The following FANCD2 variants were observed in gnomAD, a reference collection of about 807,000 sequenced individuals.
The protein encoded by FANCD2 is Fanconi anemia group D2 protein.
Under a neutral mutation model 192.3 loss-of-function variants are expected in FANCD2, and 131 were observed. The observed-to-expected ratio is 0.68, with a 90% CI of 0.59 to 0.79. FANCD2 has a LOEUF of 0.79. Ranked by LOEUF, FANCD2 falls within the 30% of genes least tolerant of loss-of-function variation. The pLI is 0.00. For missense variants in FANCD2, 1,508 were observed against 1,701.6 expected, an observed-to-expected ratio of 0.89 and a Z score of 2.00; for synonymous variants, 524 against 612.5, an observed-to-expected ratio of 0.86 and a Z score of 2.13.
intron 29 of FANCD2, among the ~76,000 whole-genome samples, chr3:10,077,382 C>A (rs932013844): frequency 1.3e-5 from 2 of 152,048 alleles, no homozygotes; most frequent in Admixed American, 1.3e-4. Context: ...GTGATGAAAC[C>A]CATTTCTACT....
rs2124991202 is a variant in FANCD2, at chr3:10,042,555, T to C, written c.784-4T>C. ...TATTAAGTTTCTGTGCTTTTAATTT[T>C]TAGGTTCGCCAGTTGGTGATGGATA... On this transcript the variant is annotated splice_region_variant and splice_polypyrimidine_tract_variant and intron_variant, in intron 10 of 43. Transcript: ENST00000675286. The C allele has an allele frequency of 6.2e-7, 1 of 1,611,818 alleles. No homozygotes were observed. Among genetic ancestry groups the C allele is most frequent in the Non-Finnish European group, 8.5e-7 (1 of 1,177,898 alleles).
chr3:10,078,696 G>A (rs1022174458), intron 30 of FANCD2, among the ~76,000 whole-genome samples: 9 of 149,364 alleles, frequency 6.0e-5, no homozygotes, highest in Non-Finnish European at 1.2e-4. Flanking sequence ...GGGCGTGGTG[G>A]CTCACGCCTG....
intron 18 of FANCD2, among the ~76,000 whole-genome samples, chr3:10,057,659 G>A (rs1258533127): frequency 1.3e-5 from 2 of 151,898 alleles, no homozygotes; most frequent in African/African-American, 2.4e-5. Context: ...TACTGCTCCC[G>A]GCCTCCATTA....
intron 18 of FANCD2, among the ~76,000 whole-genome samples, chr3:10,052,970 C>T (rs1156609488): frequency 1.6e-4 from 20 of 121,610 alleles, no homozygotes; most frequent in Admixed American, 3.7e-4. Context: ...GTCAGTGTGG[C>T]GATTCCTCAG....
Position 10,060,276 on chromosome 3 carries a change from T to C in FANCD2, c.1657-18T>C. 1 of 1,572,614 alleles carries C rather than the reference T, an allele frequency of 6.4e-7. No individual in the cohort carries two copies. The highest frequency in any genetic ancestry group is 8.7e-7 in the Non-Finnish European group (1 of 1,144,074). Reference sequence around the variant, plus strand: ...TGCCATTCCAGCATTTTCATCTTTCTTCATCATCTCATTGCAGGATGACAT... The same window carrying C: ...TGCCATTCCAGCATTTTCATCTTTCCTCATCATCTCATTGCAGGATGACAT... On this transcript the variant is annotated intron_variant, in intron 18 of 43. Coordinates refer to ENST00000675286, the MANE Select transcript of FANCD2 (RefSeq NM_001018115.3).
intron 7 of FANCD2, among the ~76,000 whole-genome samples, chr3:10,037,131 G>GT (rs370333100): frequency 4.0e-5 from 6 of 150,734 alleles, no homozygotes; most frequent in East Asian, 1.9e-4. Context: ...GGCCCTACCT[G>GT]TTTTTTTTTA....
rs535739628 is a variant in FANCD2, at chr3:10,078,377, T to C, written c.2976+180T>C. ...ATTTATTTATTTATTTATTTAGAGA[T>C]GGAGTCTCGCTCTGTCGCCCAGGCT... On this transcript the variant is annotated intron_variant, in intron 30 of 43. Transcript: ENST00000675286. 3.6e-3 allele frequency among the ~76,000 whole-genome samples: 550 copies of C among 151,962 alleles called. 4 individuals carry two copies. Among genetic ancestry groups the C allele is most frequent in the Middle Eastern group, 0.014 (4 of 294 alleles).
intron 9 of FANCD2, chr3:10,040,424 G>A: frequency 2.2e-6 from 1 of 451,876 alleles, no homozygotes; most frequent in Non-Finnish European, 4.4e-6. Flanking sequence ...TGGAGAAGTT[G>A]ACCATGATCC....
rs397948524 is a variant in FANCD2 at position 10,045,101 on chromosome 3, T to TTTTC, written c.1134+1237_1134+1238insTTTC. Among the ~76,000 whole-genome samples the TTTTC allele has an allele frequency of 1.2e-4, 18 of 149,176 alleles. 1 individual carries two copies. Among genetic ancestry groups the TTTTC allele is most frequent in the African/African-American group, 4.4e-4 (17 of 38,864 alleles). ...GCCTTTTTAACTGTTTTTTTTTTTT[T>TTTTC]CCTGGAAGCATAGACTCAGGTTGCC... On this transcript the variant is annotated intron_variant, in intron 14 of 43. Coordinates refer to ENST00000675286, the MANE Select transcript of FANCD2 (RefSeq NM_001018115.3).
At chr3:10,044,936 T>G (rs2086959394) in intron 14 of FANCD2, among the ~76,000 whole-genome samples, 1 of 152,198 alleles carries the variant, frequency 6.6e-6, no homozygotes, top group South Asian at 2.1e-4. Context: ...CATAAATATT[T>G]CAAGGTCTGC....
chr3:10,086,613 C>G (rs1005090807), intron 33 of FANCD2, among the ~76,000 whole-genome samples: 2 of 152,130 alleles, frequency 1.3e-5, no homozygotes, highest in African/African-American at 2.4e-5. Context: ...TCCCAAGACG[C>G]TGGGATTACA....
At chr3:10,094,061 G>A (rs983138293) in intron 39 of FANCD2, among the ~76,000 whole-genome samples, 4 of 152,226 alleles carry the variant, frequency 2.6e-5, no homozygotes, top group African/African-American at 4.8e-5. Context: ...TCCATCGACT[G>A]TATCTGTGGT....
rs1169373056 is a variant in FANCD2 at position 10,052,521 on chromosome 3, GA to G, written c.1656+25del. On this transcript the variant is annotated intron_variant, in intron 18 of 43. Coordinates refer to ENST00000675286, the MANE Select transcript of FANCD2 (RefSeq NM_001018115.3). ...AGGTAAGAGGCAATATGTTGGGAAAGATTTTTTTTTTTTTGAGACAGAGTCT... is the reference window on the plus strand; with the variant it reads ...AGGTAAGAGGCAATATGTTGGGAAAGTTTTTTTTTTTTTGAGACAGAGTCT... 2.0e-6 allele frequency: 3 copies of G among 1,474,382 alleles called. No homozygotes were observed. In the African/African-American group the frequency reaches 4.6e-5, roughly 22 times the overall value. 91.3% of individuals were successfully genotyped at this position (1,474,382 alleles called of 1,614,324 possible).
chr3:10,101,377 CTTTTTTTTTTTTTTTTT>C lies in FANCD2; in HGVS notation c.*124_*140del, dbSNP rs950337384. Reference sequence around the variant, plus strand: ...ACTGGTAGGATCCTTTTTTGTTCCTCTTTTTTTTTTTTTTTTTTTTTTTTTAAAGACGGGGACTCGCT... The same window carrying C: ...ACTGGTAGGATCCTTTTTTGTTCCTCTTTTTTTTAAAGACGGGGACTCGCT... On this transcript the variant is annotated 3_prime_UTR_variant, in exon 44 of 44. Coordinates refer to ENST00000675286, the MANE Select transcript of FANCD2 (RefSeq NM_001018115.3). 20 of 388,516 alleles carry C rather than the reference CTTTTTTTTTTTTTTTTT, an allele frequency of 5.1e-5. 2 individuals carry two copies. The highest frequency in any genetic ancestry group is 4.7e-4 in the African/African-American group (16 of 33,786). The allele number at this position is 388,516 out of a possible 1,614,324, so 24.1% of individuals were successfully genotyped here. A position where few individuals can be genotyped will look rare whatever the true frequency, so the allele number is the denominator to read the frequency against.
intron 24 of FANCD2, 56 bp from the exon 25 acceptor site, chr3:10,065,808 C>T: frequency 8.8e-7 from 1 of 1,133,372 alleles, no homozygotes; most frequent in Non-Finnish European, 1.3e-6. Flanking sequence ...CAGAGGCAAC[C>T]TCCAGGTTTT....
rs573306335 is a variant in FANCD2, at chr3:10,038,579, C to CTTTTTTT, written c.492-688_492-682dup. Among the ~76,000 whole-genome samples the CTTTTTTT allele has an allele frequency of 4.8e-4, 62 of 128,938 alleles. 1 individual carries two copies. Among genetic ancestry groups the CTTTTTTT allele is most frequent in the African/African-American group, 1.9e-3 (62 of 32,414 alleles). 84.6% of individuals were successfully genotyped at this position (128,938 alleles called of 152,430 possible). A position where few individuals can be genotyped will look rare whatever the true frequency, so the allele number is the denominator to read the frequency against. The stretch of plus-strand genomic sequence containing the variant: ...ATGTTCCCTTAGCAATATATGCTTG[C>CTTTTTTT]TTTTTTTTTTTTTTTTTTGAGACAG... On this transcript the variant is annotated intron_variant, in intron 7 of 43. Coordinates refer to ENST00000675286, the MANE Select transcript of FANCD2 (RefSeq NM_001018115.3).
chr3:10,052,314 G>T, intron 17 of FANCD2, 73 bp from the exon 18 acceptor site: 2 of 972,778 alleles, frequency 2.1e-6, no homozygotes, highest in South Asian at 1.3e-5. Flanking sequence ...CTTTTACAGG[G>T]ATTTTAATTT....
At chr3:10,046,146 C>T (rs865802930) in intron 14 of FANCD2, among the ~76,000 whole-genome samples, 40 of 148,494 alleles carry the variant, frequency 2.7e-4, no homozygotes, top group Middle Eastern at 7.1e-3. Flanking sequence ...CTCTGCCTCC[C>T]GGGTTCACGC....
At chr3:10,089,059 G>T in intron 36 of FANCD2, 109 bp downstream of exon 36, 1 of 1,250,730 alleles carries the variant, frequency 8.0e-7, no homozygotes, top group Non-Finnish European at 1.2e-6. Context: ...GAGGCAGGAG[G>T]ATCACCTTGA....
Sources: gnomAD v4.1 joint callset for allele counts (sites outside exome capture counted in the v4.1 genomes callset) on GRCh38, gnomAD v4.1.1 for gene constraint, MANE v1.5 for transcripts, NCBI Gene and HGNC (gene_info 2026-07-23, HGNC 2026-07-21) for gene names.